TGFBR2: variants seen among roughly 807,000 people sequenced by gnomAD.
The protein encoded by TGFBR2 is TGF-beta receptor type-2.
In TGFBR2, 18 loss-of-function variants were observed where a neutral mutation model predicts 49.0. The ratio of observed to expected loss-of-function variants is 0.37; its 90% CI spans 0.25 to 0.54. TGFBR2 has a LOEUF of 0.54. Ranked by LOEUF, TGFBR2 falls within the 20% of genes least tolerant of loss-of-function variation. The pLI is 0.85. For synonymous variants in TGFBR2, 282 were observed against 275.9 expected, an observed-to-expected ratio of 1.02 and a Z score of -0.22; for missense variants, 525 against 722.6, an observed-to-expected ratio of 0.73 and a Z score of 3.13.
At chr3:30,609,924 C>A (rs754847078) in intron 1 of TGFBR2, among the ~76,000 whole-genome samples, 2 of 152,138 alleles carry the variant, frequency 1.3e-5, no homozygotes, top group Non-Finnish European at 2.9e-5. Flanking sequence ...GAACTCATTG[C>A]CTTCTTTTCA....
At position 30,687,134 on chromosome 3, in the gene TGFBR2, G is replaced by A. The variant is rs768911589; in HGVS notation, c.1397-1250G>A. Among the ~76,000 whole-genome samples the A allele has an allele frequency of 3.3e-5, 5 of 152,314 alleles. No individual in the cohort carries two copies. In the South Asian group the frequency reaches 1.0e-3, roughly 32 times the overall value. On this transcript the variant is annotated intron_variant, in intron 5 of 6. Coordinates refer to ENST00000295754, the MANE Select transcript of TGFBR2 (RefSeq NM_003242.6). ...CTGCCCAGGATATCTAACCAAGATT[G>A]ACCCTAAGGATGTTCAAGGAAGTTT...
At chr3:30,620,187 A>AAAAC (rs1279521108) in intron 1 of TGFBR2, among the ~76,000 whole-genome samples, 1 of 152,182 alleles carries the variant, frequency 6.6e-6, no homozygotes, top group African/African-American at 2.4e-5. Context: ...ACTCTGTCTC[A>AAAAC]AAACAAACAA....
chr3:30,614,115 C>CTTTTTT (rs5847643), intron 1 of TGFBR2, among the ~76,000 whole-genome samples: 17 of 120,600 alleles, frequency 1.4e-4, no homozygotes, highest in East Asian at 7.2e-4. Flanking sequence ...TTTTTCTTTC[C>CTTTTTT]TTTTTTTTTT....
At chr3:30,645,850 C>CT (rs1387945669) in intron 2 of TGFBR2, among the ~76,000 whole-genome samples, 1 of 147,554 alleles carries the variant, frequency 6.8e-6, no homozygotes, top group Non-Finnish European at 1.5e-5. Context: ...CTCATTCCCT[C>CT]CAACTCATAC....
chr3:30,691,197 T>C (rs1699703459), intron 6 of TGFBR2, among the ~76,000 whole-genome samples: 1 of 152,196 alleles, frequency 6.6e-6, no homozygotes, highest in African/African-American at 2.4e-5. Context: ...CCAAAAAGTA[T>C]GGTAGGTTTT....
At chr3:30,651,077 A>T (rs1000531706) in intron 3 of TGFBR2, among the ~76,000 whole-genome samples, 5 of 152,230 alleles carry the variant, frequency 3.3e-5, no homozygotes, top group African/African-American at 1.2e-4. Context: ...TAGATTAGAT[A>T]CTAGCCTCCA....
At chr3:30,686,179 T>A (rs1374285750) in intron 5 of TGFBR2, among the ~76,000 whole-genome samples, 1 of 152,240 alleles carries the variant, frequency 6.6e-6, no homozygotes, top group Non-Finnish European at 1.5e-5. Flanking sequence ...TATTAAATTC[T>A]TACTACGTAT....
chr3:30,651,722 T>A (rs1698890317), intron 3 of TGFBR2, among the ~76,000 whole-genome samples: 1 of 152,226 alleles, frequency 6.6e-6, no homozygotes, highest in Non-Finnish European at 1.5e-5. Context: ...AGAAGTGAAA[T>A]TTCTAGATTA....
intron 1 of TGFBR2, among the ~76,000 whole-genome samples, chr3:30,635,257 A>G (rs186185973): frequency 4.1e-4 from 62 of 152,104 alleles, no homozygotes; most frequent in African/African-American, 1.4e-3. Context: ...AGATATTTCC[A>G]CCTGCAAGAG....
chr3:30,671,996 T>C lies in TGFBR2; in HGVS notation c.813T>C (p.Phe271=), dbSNP rs2125434478. 1.2e-6 allele frequency: 2 copies of C among 1,614,160 alleles called. No homozygotes were observed. Among genetic ancestry groups the C allele is most frequent in the Non-Finnish European group, 1.7e-6 (2 of 1,180,016 alleles). The part of the protein sequence containing the change: ...AKLKQNTSEQ[F]ETVAVKIFPY... ...TGAAGCAGAACACTTCAGAGCAGTT[T>C]GAGACAGTGGCAGTCAAGATCTTTC... The change falls in exon 4 of 7, where the codon TTT becomes TTC. Residue 271 remains phenylalanine, a synonymous_variant. Transcript: ENST00000295754.
At chr3:30,682,622 C>T (rs931890066) in intron 5 of TGFBR2, among the ~76,000 whole-genome samples, 2 of 152,162 alleles carry the variant, frequency 1.3e-5, no homozygotes, top group African/African-American at 4.8e-5. Context: ...CAATCTGATG[C>T]CTGTAGCTAA....
At position 30,672,305 on chromosome 3, in the gene TGFBR2, C is replaced by T; in HGVS notation, c.1122C>T (p.Pro374=). 6.2e-7 allele frequency: 1 copy of T among 1,608,580 alleles called. No homozygotes were observed. Among genetic ancestry groups the T allele is most frequent in the Non-Finnish European group, 8.5e-7 (1 of 1,176,644 alleles). The change falls in exon 4 of 7, where the codon CCC becomes CCT. Residue 374 remains proline, a synonymous_variant. Coordinates refer to ENST00000295754, the MANE Select transcript of TGFBR2 (RefSeq NM_003242.6). This position sits in a 1 kb window ranked among gnomAD's most constrained non-coding sequence, Gnocchi z 4.5. ...DHTPCGRPKM[P]IVHRDLKSSN... is the part of the protein sequence containing the mutation. Reference sequence around the variant, plus strand: ...CTCCATGTGGGAGGCCCAAGATGCCCATCGTGCACAGGGACCTCAAGAGCT... The same window carrying T: ...CTCCATGTGGGAGGCCCAAGATGCCTATCGTGCACAGGGACCTCAAGAGCT...
chr3:30,627,693 C>T (rs1341407797), intron 1 of TGFBR2, among the ~76,000 whole-genome samples: 1 of 151,784 alleles, frequency 6.6e-6, no homozygotes, highest in Non-Finnish European at 1.5e-5. Context: ...GATATTTTCA[C>T]CTTTGCAGGA....
At chr3:30,631,824 G>C (rs79692880) in intron 1 of TGFBR2, among the ~76,000 whole-genome samples, 1,618 of 152,104 alleles carry the variant, frequency 0.011, 33 homozygotes, top group African/African-American at 0.037. Context: ...CAGGCACAGA[G>C]AGTGGTTGGG....
At position 30,631,282 on chromosome 3, in the gene TGFBR2, C is replaced by T. The variant is rs190176612; in HGVS notation, c.95-13465C>T. On this transcript the variant is annotated intron_variant, in intron 1 of 6. Transcript: ENST00000295754. Reference sequence around the variant, plus strand: ...GTCTTGATTTCTTGACCTCGTGATTCACCCACCTCGGCCTACCAGAGTGCT... The same window carrying T: ...GTCTTGATTTCTTGACCTCGTGATTTACCCACCTCGGCCTACCAGAGTGCT... 9.6e-4 allele frequency among the ~76,000 whole-genome samples: 146 copies of T among 152,142 alleles called. 1 individual carries two copies. The highest frequency in any genetic ancestry group is 3.4e-3 in the African/African-American group (142 of 41,514).
At chr3:30,613,862 C>G (rs1301472131) in intron 1 of TGFBR2, among the ~76,000 whole-genome samples, 2 of 152,232 alleles carry the variant, frequency 1.3e-5, no homozygotes, top group African/African-American at 4.8e-5. Context: ...ACATGGGCCT[C>G]TATTTGCTCA....
At chr3:30,666,624 C>T (rs1699248053) in intron 3 of TGFBR2, among the ~76,000 whole-genome samples, 1 of 138,834 alleles carries the variant, frequency 7.2e-6, no homozygotes, top group Non-Finnish European at 1.6e-5. Context: ...CCCTCCCCCG[C>T]AACCCCTACC....
At chr3:30,628,944 C>G (rs1284191322) in intron 1 of TGFBR2, among the ~76,000 whole-genome samples, 2 of 152,126 alleles carry the variant, frequency 1.3e-5, no homozygotes, top group Non-Finnish European at 2.9e-5. Flanking sequence ...AGACTCATTC[C>G]TTAAGAAGTT....
intron 4 of TGFBR2, among the ~76,000 whole-genome samples, chr3:30,673,448 G>T (rs1007321334): frequency 1.3e-5 from 2 of 152,070 alleles, no homozygotes; most frequent in Non-Finnish European, 2.9e-5. Context: ...TGGATCCGAC[G>T]TTTGCATATT....
Sources: gnomAD v4.1 joint callset for allele counts (sites outside exome capture counted in the v4.1 genomes callset) on GRCh38, gnomAD v4.1.1 for gene constraint, Gnocchi (gnomAD v3.1) non-coding constraint, MANE v1.5 for transcripts, NCBI Gene and HGNC (gene_info 2026-07-23, HGNC 2026-07-21) for gene names.